NLGN4X: variants seen among roughly 807,000 people sequenced by gnomAD.
NLGN4X encodes neuroligin 4 X-linked, also known as neuroligin-4, X-linked.
Under a neutral mutation model 40.3 loss-of-function variants are expected in NLGN4X, and 3 were observed. The observed-to-expected ratio is 0.07, with a 90% CI of 0.03 to 0.19. NLGN4X has a LOEUF of 0.19. Among genes scored for constraint, NLGN4X ranks in the 10% least tolerant of loss-of-function variants. The pLI is 1.00. For synonymous variants in NLGN4X, 270 were observed against 306.8 expected (o/e 0.88, Z 1.25); for missense variants, 382 against 708.3 (o/e 0.54, Z 5.23).
intron 1 of NLGN4X, among the ~76,000 whole-genome samples, chrX:6,204,327 G>A (rs111914033): frequency 0.016 from 1,815 of 111,742 alleles, 34 homozygotes; most frequent in African/African-American, 0.054. Flanking sequence ...GGGCCATGGG[G>A]AAATAAATAA....
At chrX:5,942,443 C>T (rs2033978415) in intron 3 of NLGN4X, among the ~76,000 whole-genome samples, 1 of 111,007 alleles carries the variant, frequency 9.0e-6, no homozygotes, top group Non-Finnish European at 1.9e-5. Flanking sequence ...GGAATCCCAG[C>T]ACTTTGGGAG....
rs1309001643 is a variant in NLGN4X, at chrX:5,987,759, T to C, written c.625+41521A>G. Among the ~76,000 whole-genome samples, 6 of 111,941 alleles carry C rather than the reference T, an allele frequency of 5.4e-5. No homozygotes were observed. The Admixed American group carries it at 5.7e-4, about 11-fold the overall frequency. On this transcript the variant is annotated intron_variant, in intron 3 of 5. Transcript: ENST00000381095. ...AGAAAAACATGCTGCAGAATTTCTG[T>C]TTTCCACTTCCTGTTAATTTAAAAG... is the stretch of plus-strand genomic sequence containing the variant.
At chrX:6,111,250 C>T (rs779484370) in intron 2 of NLGN4X, among the ~76,000 whole-genome samples, 38 of 111,662 alleles carry the variant, frequency 3.4e-4, no homozygotes, top group African/African-American at 1.2e-3. Flanking sequence ...TGCTGAAATC[C>T]AATACACAAC....
intron 2 of NLGN4X, among the ~76,000 whole-genome samples, chrX:6,144,947 T>C (rs1250847836): frequency 9.0e-6 from 1 of 111,041 alleles, no homozygotes; most frequent in Non-Finnish European, 1.9e-5. Flanking sequence ...TGCTTGCACA[T>C]CTCTCAGGGA....
intron 2 of NLGN4X, among the ~76,000 whole-genome samples, chrX:6,126,530 A>T (rs1300668580): frequency 8.9e-6 from 1 of 112,161 alleles, no homozygotes; most frequent in African/African-American, 3.2e-5. Context: ...TGTATAAAAA[A>T]GATCGACATT....
chrX:6,063,870 A>G (rs1024398350), intron 2 of NLGN4X, among the ~76,000 whole-genome samples: 2 of 112,175 alleles, frequency 1.8e-5, no homozygotes, highest in African/African-American at 3.2e-5. Context: ...AATACTAGGA[A>G]GTCCTTGTCC....
rs374850829 is a variant in NLGN4X, at chrX:6,203,617, C to T, written c.-306+24924G>A. Among the ~76,000 whole-genome samples the T allele has an allele frequency of 3.6e-5, 4 of 112,018 alleles. No homozygotes were observed. In the East Asian group the frequency reaches 1.1e-3, roughly 31 times the overall value. On this transcript the variant is annotated intron_variant, in intron 1 of 5. Coordinates refer to ENST00000381095, the MANE Select transcript of NLGN4X (RefSeq NM_181332.3). ...TTTCAGAAAAGCCAGCTGTTAATGT[C>T]ACACGTCTAGCCCTAGGGAGAAGCC...
intron 2 of NLGN4X, among the ~76,000 whole-genome samples, chrX:6,134,706 G>A (rs1012972633): frequency 7.1e-5 from 8 of 112,429 alleles, no homozygotes; most frequent in African/African-American, 2.3e-4. Flanking sequence ...ACTTAATGTC[G>A]TAAGGATATT....
intron 3 of NLGN4X, among the ~76,000 whole-genome samples, chrX:5,982,722 G>A (rs1416578630): frequency 8.9e-6 from 1 of 112,025 alleles, no homozygotes; most frequent in Non-Finnish European, 1.9e-5. Flanking sequence ...GCCAGGCGTA[G>A]TGGCACACAC....
chrX:6,090,793 A>G lies in NLGN4X; in HGVS notation c.472+60202T>C, dbSNP rs1397533196. Among the ~76,000 whole-genome samples the G allele has an allele frequency of 2.8e-5, 3 of 105,963 alleles. No homozygotes were observed. In the East Asian group the frequency reaches 8.4e-4, roughly 30 times the overall value. 92.0% of individuals were successfully genotyped at this position (105,963 alleles called of 115,157 possible). A position where few individuals can be genotyped will look rare whatever the true frequency, so the allele number is the denominator to read the frequency against. ...ATGTCTGGAGATATTTTTGGTTTTCATAACTTGTGGTAGTGGTGCCACTGT... is the reference window on the plus strand; with the variant it reads ...ATGTCTGGAGATATTTTTGGTTTTCGTAACTTGTGGTAGTGGTGCCACTGT... On this transcript the variant is annotated intron_variant, in intron 2 of 5. Transcript: ENST00000381095.
At chrX:6,050,178 T>C (rs2037445680) in intron 2 of NLGN4X, among the ~76,000 whole-genome samples, 1 of 112,015 alleles carries the variant, frequency 8.9e-6, no homozygotes, top group Non-Finnish European at 1.9e-5. Flanking sequence ...GGGAGCCTTA[T>C]GCAACAATTA....
chrX:6,222,098 T>A (rs1046717348), intron 1 of NLGN4X, among the ~76,000 whole-genome samples: 2 of 111,644 alleles, frequency 1.8e-5, no homozygotes, highest in African/African-American at 6.5e-5. Context: ...AAGTTCCTTT[T>A]CAGCTTATAT....
intron 2 of NLGN4X, among the ~76,000 whole-genome samples, chrX:6,043,150 CACACACACAA>C (rs1170419391): frequency 1.1e-4 from 12 of 104,450 alleles, no homozygotes; most frequent in African/African-American, 2.8e-4. Context: ...CACACACACA[CACACACACAA>C]ACACACGTAT....
intron 3 of NLGN4X, among the ~76,000 whole-genome samples, chrX:6,006,618 G>A (rs2036109771): frequency 1.8e-5 from 2 of 111,121 alleles, no homozygotes; most frequent in African/African-American, 3.3e-5. Flanking sequence ...CATTTCAAAC[G>A]AGCTATTTTA....
At chrX:6,103,328 T>C (rs188082728) in intron 2 of NLGN4X, among the ~76,000 whole-genome samples, 39 of 111,919 alleles carry the variant, frequency 3.5e-4, no homozygotes, top group Non-Finnish European at 3.8e-4. Flanking sequence ...TCCTCTCCAT[T>C]CCAATTGTTC....
intron 2 of NLGN4X, among the ~76,000 whole-genome samples, chrX:6,030,602 G>C (rs1373646728): frequency 3.6e-5 from 4 of 110,201 alleles, no homozygotes; most frequent in African/African-American, 1.3e-4. Context: ...CAATTTGAAT[G>C]AATTATGATC....
intron 5 of NLGN4X, among the ~76,000 whole-genome samples, chrX:5,901,783 T>C (rs1351552199): frequency 9.3e-6 from 1 of 107,331 alleles, no homozygotes; most frequent in Non-Finnish European, 1.9e-5. Flanking sequence ...TTTGTGTATA[T>C]ATATATTTGT....
chrX:6,117,785 C>T (rs2039335595), intron 2 of NLGN4X, among the ~76,000 whole-genome samples: 1 of 110,390 alleles, frequency 9.1e-6, no homozygotes, highest in Non-Finnish European at 1.9e-5. Flanking sequence ...TTTGGACAAT[C>T]GCATATGAGT....
intron 2 of NLGN4X, among the ~76,000 whole-genome samples, chrX:6,051,529 T>A (rs1443167468): frequency 9.0e-6 from 1 of 110,554 alleles, no homozygotes; most frequent in Admixed American, 9.6e-5. Context: ...GACATTGAAG[T>A]GACGCTTCCA....
Sources: gnomAD v4.1 joint callset for allele counts (sites outside exome capture counted in the v4.1 genomes callset) on GRCh38, gnomAD v4.1.1 for gene constraint, MANE v1.5 for transcripts, NCBI Gene and HGNC (gene_info 2026-07-23, HGNC 2026-07-21) for gene names.